The following SYN3 variants were observed in gnomAD, a reference collection of about 807,000 sequenced individuals.
The protein encoded by SYN3 is synapsin-3.
A neutral mutation model predicts 65.8 loss-of-function variants in SYN3; 35 were observed. The ratio of observed to expected loss-of-function variants is 0.53; its 90% CI spans 0.41 to 0.70. The LOEUF is 0.70. SYN3 is among the 30% of genes least tolerant of loss of function. SYN3 has a pLI of 0.00. For synonymous variants in SYN3, 270 were observed against 292.9 expected (o/e 0.92, Z 0.80); for missense variants, 680 against 749.0 (o/e 0.91, Z 1.08).
rs754655991 is a variant in SYN3, at chr22:32,931,468, T to A, written c.383A>T (p.Glu128Val). 3.1e-6 allele frequency: 5 copies of A among 1,613,658 alleles called. No individual in the cohort carries two copies. The South Asian group carries it at 5.5e-5, about 18-fold the overall frequency. ...EIRVEQAEFS[E>V]LNLAAYVTGG... ...GGTCACATAGGCAGCTAGGTTCAAC[T>A]CTGAGAATTCAGCCTGAAGAATAAA... The change falls in exon 4 of 14, where the codon GAG (glutamate) becomes GTG (valine). Residue 128 changes from glutamate (E) to valine (V), a missense_variant. Physicochemically the swap from Glu to Val is moderately radical, Grantham distance 121. Coordinates refer to ENST00000358763, the MANE Select transcript of SYN3 (RefSeq NM_003490.4).
intron 6 of SYN3, among the ~76,000 whole-genome samples, chr22:32,685,267 C>A (rs1417263777): frequency 6.9e-6 from 1 of 144,352 alleles, no homozygotes; most frequent in Non-Finnish European, 1.5e-5. Context: ...ACCTGGAAAA[C>A]TTCTTCAAGG....
At chr22:32,912,308 G>A (rs1382361376) in intron 4 of SYN3, among the ~76,000 whole-genome samples, 1 of 152,158 alleles carries the variant, frequency 6.6e-6, no homozygotes, top group East Asian at 1.9e-4. Flanking sequence ...GAAGGGAAGA[G>A]CTTCTCAGGC....
At chr22:32,608,588 G>T (rs1028234533) in intron 6 of SYN3, among the ~76,000 whole-genome samples, 1 of 152,224 alleles carries the variant, frequency 6.6e-6, no homozygotes, top group Non-Finnish European at 1.5e-5. Flanking sequence ...TGTAGGCAAA[G>T]GCATTTCATC....
intron 6 of SYN3, among the ~76,000 whole-genome samples, chr22:32,793,502 T>G (rs1255935912): frequency 6.6e-6 from 1 of 152,212 alleles, no homozygotes; most frequent in African/African-American, 2.4e-5. Context: ...CCACCAACTA[T>G]TATTTTCTTG....
intron 3 of SYN3, among the ~76,000 whole-genome samples, chr22:32,940,293 C>T (rs11704993): frequency 0.19 from 29,157 of 152,060 alleles, 3,437 homozygotes; most frequent in Non-Finnish European, 0.26. Flanking sequence ...GAAATTTCTT[C>T]TTCCATTCTG....
intron 7 of SYN3, among the ~76,000 whole-genome samples, chr22:32,561,628 G>A (rs960711249): frequency 6.6e-6 from 1 of 152,192 alleles, no homozygotes; most frequent in Non-Finnish European, 1.5e-5. Context: ...TCCCTGGCCT[G>A]TCGGCTGCCT....
chr22:32,517,929 A>G (rs1391669781), intron 13 of SYN3, 114 bp downstream of exon 13: 7 of 1,199,960 alleles, frequency 5.8e-6, no homozygotes, highest in Non-Finnish European at 7.7e-6. Flanking sequence ...TTTGAAGTCT[A>G]GGCAAGGCCT....
rs553943916 is a variant in SYN3, at chr22:32,909,621, C to A, written c.461+21769G>T. Among the ~76,000 whole-genome samples the A allele has an allele frequency of 1.5e-4, 20 of 134,358 alleles. No homozygotes were observed. The South Asian group carries it at 5.0e-3, about 34-fold the overall frequency. The allele number at this position is 134,358 out of a possible 152,430, so 88.1% of individuals were successfully genotyped here. A position where few individuals can be genotyped will look rare whatever the true frequency, so the allele number is the denominator to read the frequency against. ...GTCTCAGAATATACTGCCACCCCCG[C>A]CCCCCCACCCCTTACCTCACCCCCA... On this transcript the variant is annotated intron_variant, in intron 4 of 13. Transcript: ENST00000358763.
intron 3 of SYN3, among the ~76,000 whole-genome samples, chr22:32,954,027 A>G (rs934535571): frequency 6.6e-6 from 1 of 152,138 alleles, no homozygotes; most frequent in Non-Finnish European, 1.5e-5. Context: ...CCAGAGGACC[A>G]GGCATGCCCT....
chr22:32,556,811 T>A (rs1215984192), intron 7 of SYN3, among the ~76,000 whole-genome samples: 4 of 113,786 alleles, frequency 3.5e-5, no homozygotes, highest in Admixed American at 8.8e-5. Context: ...CTGGTTTTTT[T>A]TTTTTTTTTT....
intron 1 of SYN3, among the ~76,000 whole-genome samples, chr22:33,034,044 G>A (rs947597902): frequency 6.6e-5 from 10 of 151,554 alleles, no homozygotes; most frequent in Non-Finnish European, 1.0e-4. Flanking sequence ...AAATTAGCCC[G>A]GTGTGATGGT....
intron 6 of SYN3, among the ~76,000 whole-genome samples, chr22:32,598,238 C>A (rs74349262): frequency 0.051 from 7,785 of 152,232 alleles, 513 homozygotes; most frequent in East Asian, 0.27. Context: ...AGCTGCTGAG[C>A]CTCTGCAGAA....
intron 6 of SYN3, among the ~76,000 whole-genome samples, chr22:32,708,767 G>T (rs2060914426): frequency 6.6e-6 from 1 of 152,254 alleles, no homozygotes; most frequent in Non-Finnish European, 1.5e-5. Context: ...CACAGCCAGA[G>T]AGCACACCTT....
intron 6 of SYN3, among the ~76,000 whole-genome samples, chr22:32,782,763 C>A (rs1386280029): frequency 6.6e-6 from 1 of 151,996 alleles, no homozygotes; most frequent in Non-Finnish European, 1.5e-5. Flanking sequence ...ATGATCCGCC[C>A]GCGTCAGCCT....
chr22:32,912,436 C>T (rs1304868215), intron 4 of SYN3, among the ~76,000 whole-genome samples: 1 of 152,162 alleles, frequency 6.6e-6, no homozygotes, highest in East Asian at 1.9e-4. Context: ...TCACTCTTGG[C>T]TGGGCACGGT....
At chr22:32,588,423 T>C (rs2059081907) in intron 7 of SYN3, among the ~76,000 whole-genome samples, 1 of 152,250 alleles carries the variant, frequency 6.6e-6, no homozygotes, top group Admixed American at 6.5e-5. Context: ...TTTAAGAATT[T>C]ACTCAGAATT....
chr22:32,766,089 G>T (rs969041426), intron 6 of SYN3, among the ~76,000 whole-genome samples: 5 of 152,116 alleles, frequency 3.3e-5, no homozygotes, highest in Non-Finnish European at 7.4e-5. Flanking sequence ...CACCTCTGTG[G>T]TTTGGAGAAC....
At chr22:32,536,541 G>T (rs532530884) in intron 9 of SYN3, among the ~76,000 whole-genome samples, 1 of 152,236 alleles carries the variant, frequency 6.6e-6, no homozygotes, top group Admixed American at 6.5e-5. Context: ...GTCTCCAGGG[G>T]TGCAGACCTG....
At chr22:32,755,177 T>G (rs916447596) in intron 6 of SYN3, among the ~76,000 whole-genome samples, 1 of 152,244 alleles carries the variant, frequency 6.6e-6, no homozygotes, top group Non-Finnish European at 1.5e-5. Context: ...AAAGGTCATC[T>G]TGTTAAATCC....
Sources: allele counts gnomAD v4.1 joint callset (sites outside exome capture counted in the v4.1 genomes callset), GRCh38; gene constraint gnomAD v4.1.1; transcripts MANE v1.5; gene names NCBI Gene and HGNC (gene_info 2026-07-23, HGNC 2026-07-21).